Variants in URI1 observed in about 807,000 individuals in gnomAD.
URI1 encodes the protein unconventional prefoldin RPB5 interactor 1.
A neutral mutation model predicts 60.2 loss-of-function variants in URI1; 39 were observed. The observed-to-expected ratio is 0.65, with a 90% CI of 0.50 to 0.85. The LOEUF (loss-of-function observed/expected upper bound fraction) is 0.85, where lower values mean the gene tolerates loss of function less well. Ranked by LOEUF, URI1 falls within the 40% of genes least tolerant of loss-of-function variation. The probability of loss-of-function intolerance (pLI) is 0.00; values close to 1 mark genes in which losing one functional copy is unlikely to be tolerated. For synonymous variants in URI1, 251 were observed against 236.8 expected, an observed-to-expected ratio of 1.06 and a Z score of -0.55; for missense variants, 691 against 665.9, an observed-to-expected ratio of 1.04 and a Z score of -0.42.
chr19:29,963,769 C>CG (rs1356596684), intron 1 of URI1, among the ~76,000 whole-genome samples: 1 of 152,158 alleles, frequency 6.6e-6, no homozygotes, highest in African/African-American at 2.4e-5. Flanking sequence ...CACCTTACTC[C>CG]GGGCAGGTGC....
chr19:29,987,397 C>T (rs1423137846), intron 4 of URI1, among the ~76,000 whole-genome samples: 5 of 152,100 alleles, frequency 3.3e-5, no homozygotes, highest in African/African-American at 1.2e-4. Context: ...AAATCAACTC[C>T]TATAAGTTTA....
chr19:29,963,575 T>C (rs939249572), intron 1 of URI1, among the ~76,000 whole-genome samples: 7 of 152,164 alleles, frequency 4.6e-5, no homozygotes, highest in African/African-American at 1.7e-4. Context: ...GTGTGTTTGG[T>C]TCTGTTTTAT....
intron 1 of URI1, among the ~76,000 whole-genome samples, chr19:29,953,403 C>T (rs193252466): frequency 7.2e-5 from 11 of 152,236 alleles, no homozygotes; most frequent in Non-Finnish European, 2.9e-5. Context: ...GCTACTAGCT[C>T]TTTATATTCA....
chr19:30,001,657 A>G (rs1182359952), intron 4 of URI1, among the ~76,000 whole-genome samples: 1 of 151,868 alleles, frequency 6.6e-6, no homozygotes, highest in Non-Finnish European at 1.5e-5. Flanking sequence ...TCTCAAGTGA[A>G]TTGCCTTTTC....
intron 8 of URI1, among the ~76,000 whole-genome samples, chr19:30,010,287 T>C (rs1209227217): frequency 6.6e-6 from 1 of 152,204 alleles, no homozygotes; most frequent in African/African-American, 2.4e-5. Context: ...ATATTTGATA[T>C]TTCTTAGCTT....
intron 1 of URI1, among the ~76,000 whole-genome samples, chr19:29,948,868 G>T (rs539447162): frequency 6.6e-6 from 1 of 152,180 alleles, no homozygotes; most frequent in South Asian, 2.1e-4. Flanking sequence ...CCTGCCACAC[G>T]GGGTGGCGGC....
intron 4 of URI1, among the ~76,000 whole-genome samples, chr19:29,999,379 T>C (rs969664407): frequency 3.3e-5 from 5 of 152,156 alleles, no homozygotes; most frequent in Non-Finnish European, 5.9e-5. Flanking sequence ...CCCTCAACTC[T>C]TGTTTATCTG....
At chr19:29,952,307 C>T (rs2145258292) in intron 1 of URI1, among the ~76,000 whole-genome samples, 1 of 152,330 alleles carries the variant, frequency 6.6e-6, no homozygotes, top group South Asian at 2.1e-4. Context: ...CACATGTCCT[C>T]TTAGAACAAT....
chr19:29,950,808 C>T (rs1424857580), intron 1 of URI1, among the ~76,000 whole-genome samples: 3 of 152,208 alleles, frequency 2.0e-5, no homozygotes, highest in African/African-American at 7.2e-5. Flanking sequence ...GCATTTGACT[C>T]TCTTAGCTCC....
At chr19:29,989,116 T>A (rs574589144) in intron 4 of URI1, among the ~76,000 whole-genome samples, 4 of 152,178 alleles carry the variant, frequency 2.6e-5, no homozygotes, top group Non-Finnish European at 4.4e-5. Context: ...ATGCTTTTTT[T>A]TTTTTATTTT....
At chr19:30,011,437 T>TC (rs1373673679) in intron 9 of URI1, among the ~76,000 whole-genome samples, 1 of 152,046 alleles carries the variant, frequency 6.6e-6, no homozygotes, top group African/African-American at 2.4e-5. Context: ...GATTTTTTTT[T>TC]TTTTTCACTT....
At chr19:29,995,091 A>AT (rs2055795193) in intron 4 of URI1, among the ~76,000 whole-genome samples, 1 of 151,918 alleles carries the variant, frequency 6.6e-6, no homozygotes, top group Admixed American at 6.6e-5. Flanking sequence ...CCTATGTTGT[A>AT]TTTTTTAAGG....
chr19:29,954,296 G>A (rs954748813), intron 1 of URI1, among the ~76,000 whole-genome samples: 13 of 152,148 alleles, frequency 8.5e-5, no homozygotes, highest in Admixed American at 8.5e-4. Flanking sequence ...GATCCCAAAA[G>A]TCACTTGAAT....
At chr19:29,986,807 G>A (rs1029855040) in intron 4 of URI1, among the ~76,000 whole-genome samples, 2 of 151,954 alleles carry the variant, frequency 1.3e-5, no homozygotes, top group East Asian at 1.9e-4. Flanking sequence ...TTTCTCCTTA[G>A]TGAACTAAGA....
At chr19:29,990,444 A>C (rs1232251438) in intron 4 of URI1, among the ~76,000 whole-genome samples, 1 of 152,244 alleles carries the variant, frequency 6.6e-6, no homozygotes. Flanking sequence ...ATACTTGTAC[A>C]TGAATATTAA....
At chr19:30,004,445 C>T (rs1189654143) in intron 4 of URI1, 1 of 152,020 alleles carries the variant, frequency 6.6e-6, no homozygotes, top group Non-Finnish European at 1.5e-5. Context: ...CTGCATTCAT[C>T]ATTGGTAGAG....
At chr19:30,011,439 T>C (rs1463992008) in intron 9 of URI1, among the ~76,000 whole-genome samples, 10 of 152,012 alleles carry the variant, frequency 6.6e-5, no homozygotes, top group African/African-American at 2.4e-4. Flanking sequence ...TTTTTTTTTT[T>C]TTTCACTTTC....
chr19:30,007,981 G>C (rs1421493248), intron 7 of URI1, among the ~76,000 whole-genome samples: 1 of 151,740 alleles, frequency 6.6e-6, no homozygotes, highest in Non-Finnish European at 1.5e-5. Flanking sequence ...AATTTTAAAT[G>C]AAGTATTTTT....
upstream of URI1, among the ~76,000 whole-genome samples, chr19:29,938,972 G>C (rs1361601831): frequency 9.2e-6 from 1 of 108,856 alleles, no homozygotes; most frequent in Non-Finnish European, 1.8e-5. Context: ...CACTGTGCCT[G>C]GCCTACCATT....
Sources: allele counts gnomAD v4.1 joint callset (sites outside exome capture counted in the v4.1 genomes callset), GRCh38; gene constraint gnomAD v4.1.1; transcripts MANE v1.5; gene names NCBI Gene and HGNC (gene_info 2026-07-23, HGNC 2026-07-21).